Variants in MYO1B observed in about 807,000 individuals in gnomAD.
MYO1B encodes unconventional myosin-Ib.
A neutral mutation model predicts 159.7 loss-of-function variants in MYO1B; 72 were observed. The ratio of observed to expected loss-of-function variants is 0.45; its 90% CI spans 0.37 to 0.55. MYO1B has a LOEUF of 0.55. Ranked by LOEUF, MYO1B falls within the 20% of genes least tolerant of loss-of-function variation. The pLI is 0.00. For synonymous variants in MYO1B, 468 were observed against 473.8 expected (o/e 0.99, Z 0.16); for missense variants, 1,062 against 1,364.8 (o/e 0.78, Z 3.50).
intron 13 of MYO1B, 114 bp downstream of exon 13, chr2:191,370,406 C>T (rs1694286534): frequency 2.7e-6 from 2 of 729,736 alleles, no homozygotes; most frequent in South Asian, 1.8e-5. Context: ...ACAAATAATC[C>T]TTGTGTAGAT....
intron 15 of MYO1B, among the ~76,000 whole-genome samples, chr2:191,384,860 T>C (rs1321452348): frequency 6.6e-6 from 1 of 152,206 alleles, no homozygotes; most frequent in Admixed American, 6.5e-5. Flanking sequence ...AACCTGGGTA[T>C]ATAAAGGAAA....
At chr2:191,407,595 A>G (rs1430783131) in intron 24 of MYO1B, 1 of 152,246 alleles carries the variant, frequency 6.6e-6, no homozygotes, top group Admixed American at 6.5e-5. Context: ...GGGAGTAGAG[A>G]TGATAGAGAA....
At chr2:191,303,658 G>A (rs752615099) in intron 3 of MYO1B, among the ~76,000 whole-genome samples, 5 of 151,912 alleles carry the variant, frequency 3.3e-5, no homozygotes, top group Non-Finnish European at 7.4e-5. Flanking sequence ...ACACACCATT[G>A]GTTAGAAGGG....
intron 30 of MYO1B, among the ~76,000 whole-genome samples, chr2:191,421,532 G>A (rs1697941673): frequency 6.6e-6 from 1 of 152,026 alleles, no homozygotes; most frequent in African/African-American, 2.4e-5. Context: ...GAGTCCGGTG[G>A]TGTGATCCCG....
chr2:191,272,466 T>A (rs1378156), intron 1 of MYO1B, among the ~76,000 whole-genome samples: 57,719 of 152,120 alleles, frequency 0.38, 11,146 homozygotes, highest in Middle Eastern at 0.52. Context: ...TAAGAAGCAG[T>A]AGAGTGAGGT....
intron 11 of MYO1B, 105 bp from the exon 12 acceptor site, chr2:191,369,437 A>G: frequency 1.2e-6 from 1 of 867,726 alleles, no homozygotes; most frequent in Admixed American, 2.4e-5. Context: ...AAAGATGTGA[A>G]ATAAAAGAGC....
In MYO1B at chr2:191,414,296, C is replaced by T. The variant is rs186946555; in HGVS notation, c.3006+116C>T. The T allele has an allele frequency of 3.9e-4, 503 of 1,300,900 alleles. 1 individual carries two copies. The highest frequency in any genetic ancestry group is 4.8e-4 in the Non-Finnish European group (462 of 958,356). 80.6% of individuals were successfully genotyped at this position (1,300,900 alleles called of 1,614,324 possible). Reference sequence around the variant, plus strand: ...TTCTCAGTAGAGTTAACTATGAAGGCGGCTATTTCCCCTTACCTTTAAGCT... The same window carrying T: ...TTCTCAGTAGAGTTAACTATGAAGGTGGCTATTTCCCCTTACCTTTAAGCT... On this transcript the variant is annotated intron_variant, in intron 28 of 30. Transcript: ENST00000392318.
At position 191,362,365 on chromosome 2, in the gene MYO1B, C is replaced by A. The variant is rs780334989; in HGVS notation, c.759C>A (p.Thr253=). 2.2e-5 allele frequency: 36 copies of A among 1,612,814 alleles called. No homozygotes were observed. The highest frequency in any genetic ancestry group is 3.0e-5 in the Non-Finnish European group (35 of 1,179,150). Residue 253 remains threonine, a synonymous_variant, in exon 9 of 31, where the codon ACC becomes ACA. Transcript: ENST00000392318. ...TGGATGATGCAGCAAATTTTAGAAC[C>A]GTGCGGGTAAGATGTAGTACTTTCA... is the stretch of plus-strand genomic sequence containing the variant. ...NGVDDAANFR[T]VRNAMQIVGF...
chr2:191,386,758 C>T (rs186557949), intron 16 of MYO1B, among the ~76,000 whole-genome samples: 2 of 152,082 alleles, frequency 1.3e-5, no homozygotes, highest in East Asian at 1.9e-4. Context: ...GAACTTGGTA[C>T]TTTATTTTTT....
At chr2:191,421,070 CT>C (rs11306202) in intron 30 of MYO1B, among the ~76,000 whole-genome samples, 80,894 of 115,244 alleles carry the variant, frequency 0.7, 29,675 homozygotes, top group South Asian at 0.87. Flanking sequence ...TAGTGTGAAT[CT>C]TTTTTTTTTT....
intron 23 of MYO1B, chr2:191,402,431 G>A (rs1574620572): frequency 7.0e-6 from 4 of 574,658 alleles, no homozygotes; most frequent in East Asian, 3.0e-5. Flanking sequence ...CTCTGGAACA[G>A]AATCTCAGTG....
chr2:191,277,421 G>A (rs1687818492), intron 2 of MYO1B, among the ~76,000 whole-genome samples: 1 of 152,192 alleles, frequency 6.6e-6, no homozygotes, highest in South Asian at 2.1e-4. Context: ...TGTCAAAAAA[G>A]ACATGAACTT....
chr2:191,338,758 C>T (rs1248720522), intron 4 of MYO1B, among the ~76,000 whole-genome samples: 1 of 152,114 alleles, frequency 6.6e-6, no homozygotes, highest in Non-Finnish European at 1.5e-5. Context: ...AGTTTGGCCA[C>T]AGTAAGGTCC....
intron 11 of MYO1B, among the ~76,000 whole-genome samples, chr2:191,364,695 T>C (rs567334181): frequency 2.1e-3 from 318 of 152,192 alleles, no homozygotes; most frequent in African/African-American, 7.4e-3. Context: ...GAGCAGAGGG[T>C]CAGGGAAAAA....
intron 2 of MYO1B, among the ~76,000 whole-genome samples, chr2:191,277,931 G>A (rs1687843672): frequency 1.3e-5 from 2 of 152,132 alleles, no homozygotes; most frequent in African/African-American, 2.4e-5. Flanking sequence ...TATCATTCTA[G>A]GGAGGAAGTA....
intron 1 of MYO1B, among the ~76,000 whole-genome samples, chr2:191,267,449 G>A (rs1574298135): frequency 6.6e-6 from 1 of 152,252 alleles, no homozygotes; most frequent in East Asian, 1.9e-4. Context: ...GAGAAAATGA[G>A]GTGAGGGGTT....
chr2:191,346,786 A>C (rs1471569018), intron 6 of MYO1B, among the ~76,000 whole-genome samples: 1 of 152,174 alleles, frequency 6.6e-6, no homozygotes, highest in African/African-American at 2.4e-5. Flanking sequence ...TGAATAATAA[A>C]AACCAAATCT....
intron 14 of MYO1B, among the ~76,000 whole-genome samples, chr2:191,382,376 A>G (rs1695093417): frequency 6.6e-6 from 1 of 152,086 alleles, no homozygotes; most frequent in South Asian, 2.1e-4. Flanking sequence ...AAAACAACCC[A>G]TTTACTCAAA....
intron 21 of MYO1B, among the ~76,000 whole-genome samples, chr2:191,397,582 A>T (rs1262111887): frequency 6.6e-6 from 1 of 150,924 alleles, no homozygotes; most frequent in African/African-American, 2.4e-5. Context: ...AAAGTCTCCC[A>T]TGTCTACTTC....
Sources: gnomAD v4.1 joint callset for allele counts (sites outside exome capture counted in the v4.1 genomes callset) on GRCh38, gnomAD v4.1.1 for gene constraint, MANE v1.5 for transcripts, NCBI Gene and HGNC (gene_info 2026-07-23, HGNC 2026-07-21) for gene names.